The following TASP1 variants were observed in gnomAD, a reference collection of about 807,000 sequenced individuals.
The protein encoded by TASP1 is threonine aspartase 1.
TASP1 carries 16 observed loss-of-function variants against 56.6 expected under a neutral mutation model. That is an observed-to-expected ratio of 0.28 (90% CI 0.19 to 0.43). The LOEUF (loss-of-function observed/expected upper bound fraction) is 0.43. Ranked by LOEUF, TASP1 falls within the 20% of genes least tolerant of loss-of-function variation. The pLI, the probability that TASP1 is intolerant of heterozygous loss-of-function variation, is 1.00. For missense variants in TASP1, 393 were observed against 511.6 expected (o/e 0.77, Z 2.24); for synonymous variants, 179 against 184.2 (o/e 0.97, Z 0.23).
At chr20:13,306,703 AG>A in the TASP1 span, among the ~76,000 whole-genome samples, 7 of 152,160 alleles carry the variant, frequency 4.6e-5, no homozygotes, top group African/African-American at 1.7e-4. Flanking sequence ...GGAAGACAAG[AG>A]AGACTCATAC....
intron 8 of TASP1, among the ~76,000 whole-genome samples, chr20:13,556,803 G>T (rs1028875715): frequency 2.6e-5 from 4 of 152,182 alleles, no homozygotes; most frequent in African/African-American, 7.2e-5. Context: ...TCTCCTCATA[G>T]GGGTCTCCGT....
Position 13,389,662 on chromosome 20 carries a change from C to T in TASP1, c.*698G>A, listed in dbSNP as rs898343600. The stretch of plus-strand genomic sequence containing the variant: ...ATAGTCCATACAGCTCGAAGCTATG[C>T]AATATTTAAGCTTAGAAAAGCTTGA... On this transcript the variant is annotated 3_prime_UTR_variant, in exon 14 of 14. Transcript: ENST00000337743. The T allele has an allele frequency of 1.3e-5, 2 of 152,584 alleles. No individual in the cohort carries two copies. The highest frequency in any genetic ancestry group is 4.8e-5 in the African/African-American group (2 of 41,402). 9.5% of individuals were successfully genotyped at this position (152,584 alleles called of 1,614,324 possible).
At chr20:13,315,233 C>A in the TASP1 span, among the ~76,000 whole-genome samples, 10 of 151,866 alleles carry the variant, frequency 6.6e-5, no homozygotes, top group Non-Finnish European at 8.8e-5. Flanking sequence ...CCTAAATATA[C>A]CAATTGAAAA....
chr20:13,300,461 A>G, the TASP1 span: 1 of 152,166 alleles, frequency 6.6e-6, no homozygotes, highest in East Asian at 1.9e-4. Context: ...ATGTTTTAAG[A>G]AAACAAAAAA....
chr20:13,595,967 T>C (rs1288870852), intron 4 of TASP1, among the ~76,000 whole-genome samples: 1 of 152,182 alleles, frequency 6.6e-6, no homozygotes, highest in African/African-American at 2.4e-5. Flanking sequence ...ATTGACCACA[T>C]AATTGGAAAT....
At chr20:13,255,066 A>G in the TASP1 span, among the ~76,000 whole-genome samples, 1 of 152,228 alleles carries the variant, frequency 6.6e-6, no homozygotes, top group African/African-American at 2.4e-5. Flanking sequence ...AAGCCCATAA[A>G]TAGAATAATT....
At chr20:13,154,101 G>A in the TASP1 span, 1 of 1,614,144 alleles carries the variant, frequency 6.2e-7, no homozygotes, top group South Asian at 1.1e-5. Context: ...GAATGCTTCT[G>A]TTGTTCCTCT....
chr20:13,182,134 ACTAAGCCCTGCCTTTTCACATGCTGTTT>A, the TASP1 span, among the ~76,000 whole-genome samples: 1 of 152,164 alleles, frequency 6.6e-6, no homozygotes, highest in Non-Finnish European at 1.5e-5. Context: ...AGGAAACCAG[ACTAAGCCCTGCCTTTTCACATGCTGTTT>A]CTTCTTCTTA....
the TASP1 span, among the ~76,000 whole-genome samples, chr20:13,358,006 G>T: frequency 1.3e-5 from 2 of 152,274 alleles, no homozygotes; most frequent in East Asian, 3.9e-4. Flanking sequence ...CTTAACTGAT[G>T]AAATTCCCCC....
At chr20:13,367,431 C>T in the TASP1 span, among the ~76,000 whole-genome samples, 1 of 152,182 alleles carries the variant, frequency 6.6e-6, no homozygotes, top group Non-Finnish European at 1.5e-5. Flanking sequence ...TGTCCTTGAA[C>T]CATTTAATGA....
the TASP1 span, among the ~76,000 whole-genome samples, chr20:13,265,050 C>T: frequency 1.2e-4 from 18 of 152,166 alleles, no homozygotes; most frequent in Non-Finnish European, 2.1e-4. Flanking sequence ...GCGTTGGGCC[C>T]GATGTGTATA....
At chr20:13,259,177 A>C in the TASP1 span, among the ~76,000 whole-genome samples, 2 of 151,786 alleles carry the variant, frequency 1.3e-5, no homozygotes, top group African/African-American at 2.4e-5. Context: ...CAGTCTTGGG[A>C]GGCTGAGGCA....
chr20:13,245,528 A>G, the TASP1 span, among the ~76,000 whole-genome samples: 10 of 152,156 alleles, frequency 6.6e-5, no homozygotes, highest in Non-Finnish European at 1.3e-4. Context: ...TGTGTATTCC[A>G]GGAGATGGGG....
At position 13,523,102 on chromosome 20, in the gene TASP1, G is replaced by A. The variant is rs546727116; in HGVS notation, c.874+5331C>T. Among the ~76,000 whole-genome samples the A allele has an allele frequency of 2.0e-5, 3 of 152,172 alleles. No individual in the cohort carries two copies. The South Asian group carries it at 6.2e-4, about 32-fold the overall frequency. Reference sequence around the variant, plus strand: ...TAGAATAAAATTGAGTGAGAGAAGAGAACTAAGAAAAATAATAAACCTTGA... The same window carrying A: ...TAGAATAAAATTGAGTGAGAGAAGAAAACTAAGAAAAATAATAAACCTTGA... On this transcript the variant is annotated intron_variant, in intron 10 of 13. Coordinates refer to ENST00000337743, the MANE Select transcript of TASP1 (RefSeq NM_017714.3).
chr20:13,469,448 C>T (rs1027479789), intron 11 of TASP1, among the ~76,000 whole-genome samples: 5 of 152,180 alleles, frequency 3.3e-5, no homozygotes, highest in African/African-American at 1.2e-4. Context: ...CTGCCAGCTA[C>T]CCATTTCCAC....
At chr20:13,353,212 A>G in the TASP1 span, among the ~76,000 whole-genome samples, 2 of 151,124 alleles carry the variant, frequency 1.3e-5, no homozygotes, top group Admixed American at 1.3e-4. Context: ...CTCCAGCCTA[A>G]GTTACATATT....
chr20:13,630,299 T>C, intron 1 of TASP1, 147 bp from the exon 2 acceptor site: 1 of 491,264 alleles, frequency 2.0e-6, no homozygotes, highest in Non-Finnish European at 3.5e-6. Context: ...AGCTATTTAT[T>C]AAAATTATTT....
chr20:13,501,980 A>T (rs2146650031), intron 10 of TASP1, among the ~76,000 whole-genome samples: 1 of 152,170 alleles, frequency 6.6e-6, no homozygotes, highest in East Asian at 1.9e-4. Flanking sequence ...AATTAATAGA[A>T]GACATAACAA....
chr20:13,185,555 C>T, the TASP1 span, among the ~76,000 whole-genome samples: 1 of 152,046 alleles, frequency 6.6e-6, no homozygotes, highest in Non-Finnish European at 1.5e-5. Flanking sequence ...GCAGAATTGT[C>T]CCTATTATTG....
Sources: gnomAD v4.1 joint callset for allele counts (sites outside exome capture counted in the v4.1 genomes callset) on GRCh38, gnomAD v4.1.1 for gene constraint, MANE v1.5 for transcripts, NCBI Gene and HGNC (gene_info 2026-07-23, HGNC 2026-07-21) for gene names.